Variants in MID2 observed in about 807,000 individuals in gnomAD.
The protein encoded by MID2 is probable E3 ubiquitin-protein ligase MID2.
A neutral mutation model predicts 46.1 loss-of-function variants in MID2; 13 were observed. The ratio of observed to expected loss-of-function variants is 0.28; its 90% CI spans 0.18 to 0.45. MID2 has a LOEUF of 0.45. Among genes scored for constraint, MID2 ranks in the 20% least tolerant of loss-of-function variants. The probability of loss-of-function intolerance (pLI) is 1.00; values close to 1 mark genes in which losing one functional copy is unlikely to be tolerated. For synonymous variants in MID2, 199 were observed against 212.3 expected (o/e 0.94, Z 0.55); for missense variants, 431 against 575.4 (o/e 0.75, Z 2.57).
rs185278487 is a variant in MID2 at position 107,921,624 on chromosome X, C to T, written c.1436-2719C>T. 6.0e-4 allele frequency among the ~76,000 whole-genome samples: 67 copies of T among 111,515 alleles called. No homozygotes were observed. The East Asian group carries it at 0.013, about 21-fold the overall frequency. On this transcript the variant is annotated intron_variant, in intron 7 of 9. Transcript: ENST00000262843. ...TCCCTCCCACATTTTCAAGTTGGCA[C>T]TTGGCATTCTACTATAAGCAAGAGT... is the stretch of plus-strand genomic sequence containing the variant.
intron 3 of MID2, among the ~76,000 whole-genome samples, chrX:107,859,673 C>CA (rs981147872): frequency 2.7e-5 from 3 of 112,549 alleles, no homozygotes; most frequent in Non-Finnish European, 5.6e-5. Context: ...AGGAAACACT[C>CA]AGGCCTGCCT....
At chrX:107,849,364 A>G (rs751522794) in intron 2 of MID2, among the ~76,000 whole-genome samples, 2 of 111,490 alleles carry the variant, frequency 1.8e-5, no homozygotes, top group Non-Finnish European at 3.8e-5. Flanking sequence ...AGTTTGTGCC[A>G]TAATGGGGTA....
At chrX:107,885,401 T>C (rs1465496869) in intron 3 of MID2, among the ~76,000 whole-genome samples, 18 of 109,332 alleles carry the variant, frequency 1.6e-4, no homozygotes, top group Non-Finnish European at 5.7e-5. Context: ...GATAGTTTGC[T>C]GAGAATGATG....
rs755944388 is a variant in MID2, at chrX:107,871,560, A to G, written c.816+16856A>G. On this transcript the variant is annotated intron_variant, in intron 3 of 9. Coordinates refer to ENST00000262843, the MANE Select transcript of MID2 (RefSeq NM_012216.4). ...CAGTGTGACGGCCTTTTGCACTTGC[A>G]CTTGAGTTCTTGTTCAACATCCAAG... 6.3e-5 allele frequency among the ~76,000 whole-genome samples: 7 copies of G among 111,677 alleles called. No homozygotes were observed. The South Asian group carries it at 2.7e-3, about 43-fold the overall frequency.
rs770825707 is a variant in MID2, at chrX:107,908,696, TAAA to T, written c.1073+3086_1073+3088del. ...CTGGGCAACATAGCGAGATTCCATC[TAAA>T]AAAAAAAAAAAAAAAGCCTGCATCT... On this transcript the variant is annotated intron_variant, in intron 5 of 9. Transcript: ENST00000262843. Among the ~76,000 whole-genome samples the T allele has an allele frequency of 4.5e-5, 3 of 67,002 alleles. No homozygotes were observed. The Admixed American group carries it at 5.3e-4, about 12-fold the overall frequency. 58.2% of individuals were successfully genotyped at this position (67,002 alleles called of 115,157 possible). A position where few individuals can be genotyped will look rare whatever the true frequency, so the allele number is the denominator to read the frequency against.
intron 3 of MID2, among the ~76,000 whole-genome samples, chrX:107,886,907 T>G (rs1411463573): frequency 3.6e-5 from 4 of 112,040 alleles, no homozygotes; most frequent in Non-Finnish European, 7.5e-5. Flanking sequence ...AGTTCACTCA[T>G]GATTTGACTT....
intron 3 of MID2, chrX:107,901,012 T>C (rs1255993058): frequency 8.9e-6 from 1 of 111,910 alleles, no homozygotes; most frequent in African/African-American, 3.2e-5. Flanking sequence ...ATTATGAGGA[T>C]GGGTGGCAAA....
At chrX:107,856,723 T>C (rs1435521168) in intron 3 of MID2, among the ~76,000 whole-genome samples, 1 of 112,299 alleles carries the variant, frequency 8.9e-6, no homozygotes, top group African/African-American at 3.2e-5. Flanking sequence ...CTTTGGCTTT[T>C]TAGGTAACAA....
chrX:107,866,471 ACACAC>A (rs1931960548), intron 3 of MID2, among the ~76,000 whole-genome samples: 4 of 84,279 alleles, frequency 4.7e-5, no homozygotes, highest in South Asian at 5.6e-4. Flanking sequence ...ACACACACAC[ACACAC>A]AACACTGACC....
chrX:107,845,531 T>A (rs753330524), intron 2 of MID2, among the ~76,000 whole-genome samples: 39 of 102,616 alleles, frequency 3.8e-4, no homozygotes, highest in Middle Eastern at 4.8e-3. Flanking sequence ...ACACACTCTC[T>A]CTCTCTCTCT....
rs960361509 is a variant in MID2, at chrX:107,914,095, C to T, written c.1074-1907C>T. On this transcript the variant is annotated intron_variant, in intron 5 of 9. Transcript: ENST00000262843. ...TCTCTTTAGATAACTCCTGTGTATG[C>T]TCTACTCCCTTTGTAGCAGCACTTC... is the stretch of plus-strand genomic sequence containing the variant. Among the ~76,000 whole-genome samples, 11 of 112,219 alleles carry T rather than the reference C, an allele frequency of 9.8e-5. 1 individual carries two copies. Among genetic ancestry groups the T allele is most frequent in the African/African-American group, 3.6e-4 (11 of 30,854 alleles).
chrX:107,836,637 A>AT (rs1477336069), intron 1 of MID2, among the ~76,000 whole-genome samples: 1 of 110,089 alleles, frequency 9.1e-6, no homozygotes, highest in East Asian at 2.8e-4. Flanking sequence ...CATAAAGGGT[A>AT]TTGTTCAGGT....
Position 107,905,484 on chromosome X carries a change from A to G in MID2, c.931A>G (p.Lys311Glu), listed in dbSNP as rs1175391795. ...AVKIKETKVM[K>E]LRKLAQQVAN... ...TTTTACTAATTCCTTAAAGGTTATG[A>G]AACTGAGAAAGTTGGCACAGCAGGT... Residue 311 changes from lysine (K) to glutamate (E), a missense_variant, in exon 5 of 10, where the codon AAA becomes GAA. By Grantham distance (56) the Lys-to-Glu change is moderately conservative. Coordinates refer to ENST00000262843, the MANE Select transcript of MID2 (RefSeq NM_012216.4). The G allele has an allele frequency of 1.7e-6, 2 of 1,200,899 alleles. No individual in the cohort carries two copies. The highest frequency in any genetic ancestry group is 3.5e-5 in the African/African-American group (2 of 56,934).
intron 3 of MID2, among the ~76,000 whole-genome samples, chrX:107,896,828 A>ACACG (rs745389785): frequency 6.3e-5 from 7 of 111,202 alleles, no homozygotes; most frequent in Non-Finnish European, 1.1e-4. Flanking sequence ...ACACACACAC[A>ACACG]CACGCACGCA....
intron 3 of MID2, among the ~76,000 whole-genome samples, chrX:107,894,175 G>A (rs1406599919): frequency 9.0e-6 from 1 of 111,341 alleles, no homozygotes; most frequent in Non-Finnish European, 1.9e-5. Flanking sequence ...TAAGCTCTCA[G>A]GCCGAGTATG....
intron 3 of MID2, among the ~76,000 whole-genome samples, chrX:107,890,115 A>T (rs1223028779): frequency 9.0e-6 from 1 of 111,294 alleles, no homozygotes; most frequent in East Asian, 2.8e-4. Flanking sequence ...TCTTCTCTCA[A>T]CTCATCAAAT....
chrX:107,894,870 A>T (rs867574118), intron 3 of MID2: 1 of 101,843 alleles, frequency 9.8e-6, no homozygotes. Context: ...TGTGTGAAAG[A>T]GAGAGAGAGA....
intron 1 of MID2, among the ~76,000 whole-genome samples, chrX:107,833,431 T>A (rs7882633): frequency 0.042 from 4,476 of 106,117 alleles, 197 homozygotes; most frequent in African/African-American, 0.14. Flanking sequence ...ATATATATAT[T>A]TTTTTTAAAA....
intron 2 of MID2, among the ~76,000 whole-genome samples, chrX:107,845,385 A>AAATTCATT (rs1450076696): frequency 9.0e-6 from 1 of 111,224 alleles, no homozygotes; most frequent in Non-Finnish European, 1.9e-5. Context: ...ACATTTCCAC[A>AAATTCATT]AATTCATTAC....
Sources: allele counts gnomAD v4.1 joint callset (sites outside exome capture counted in the v4.1 genomes callset), GRCh38; gene constraint gnomAD v4.1.1; transcripts MANE v1.5; gene names NCBI Gene and HGNC (gene_info 2026-07-23, HGNC 2026-07-21).